Variants in NEK11 observed in about 807,000 individuals in gnomAD.
NEK11 encodes the protein NIMA related kinase 11.
In NEK11, 72 loss-of-function variants were observed where a neutral mutation model predicts 80.7. The ratio of observed to expected loss-of-function variants is 0.89; its 90% CI spans 0.74 to 1.08. The LOEUF is 1.08. Among genes scored for constraint, NEK11 ranks in the 50% least tolerant of loss-of-function variants. NEK11 has a pLI of 0.00. For synonymous variants in NEK11, 251 were observed against 260.7 expected (o/e 0.96, Z 0.36); for missense variants, 764 against 763.6 (o/e 1.00, Z -0.01).
intron 4 of NEK11, among the ~76,000 whole-genome samples, chr3:131,096,315 T>C (rs760245156): frequency 1.1e-4 from 16 of 152,168 alleles, no homozygotes; most frequent in Non-Finnish European, 1.6e-4. Flanking sequence ...CTTAGGATTA[T>C]GGCCTCCAGC....
At chr3:131,115,193 C>T (rs1453674233) in intron 5 of NEK11, among the ~76,000 whole-genome samples, 1 of 152,150 alleles carries the variant, frequency 6.6e-6, no homozygotes, top group Non-Finnish European at 1.5e-5. Flanking sequence ...CTTGTTCCTG[C>T]CTCACTACTT....
intron 4 of NEK11, among the ~76,000 whole-genome samples, chr3:131,087,753 G>C (rs138873534): frequency 6.6e-6 from 1 of 152,136 alleles, no homozygotes; most frequent in Non-Finnish European, 1.5e-5. Flanking sequence ...TGGCAATGAC[G>C]TGCAGCCACC....
intron 4 of NEK11, among the ~76,000 whole-genome samples, chr3:131,105,324 C>T (rs764913079): frequency 1.3e-5 from 2 of 152,104 alleles, no homozygotes; most frequent in Non-Finnish European, 2.9e-5. Context: ...TCTAATTTCC[C>T]TTCATAGTGT....
At chr3:131,331,929 C>T (rs928970905) in intron 17 of NEK11, among the ~76,000 whole-genome samples, 2 of 152,226 alleles carry the variant, frequency 1.3e-5, no homozygotes, top group South Asian at 2.1e-4. Flanking sequence ...CCTGCCATTG[C>T]CCAGGCTTGC....
chr3:131,228,451 T>C, intron 14 of NEK11, 77 bp from the exon 15 acceptor site: 1 of 1,284,482 alleles, frequency 7.8e-7, no homozygotes, highest in Non-Finnish European at 1.1e-6. Context: ...TATACATCCC[T>C]GTGAAAAGAT....
intron 4 of NEK11, among the ~76,000 whole-genome samples, chr3:131,107,142 G>A (rs1179459203): frequency 6.6e-6 from 1 of 151,960 alleles, no homozygotes. Context: ...TCTCTAATGT[G>A]CCTCACAAGT....
intron 14 of NEK11, among the ~76,000 whole-genome samples, chr3:131,190,806 G>C (rs921595334): frequency 6.6e-6 from 1 of 152,026 alleles, no homozygotes; most frequent in African/African-American, 2.4e-5. Context: ...AAGATCTCTA[G>C]AAATTATGAT....
chr3:131,118,316 G>A (rs929679184), intron 5 of NEK11, among the ~76,000 whole-genome samples: 1 of 152,150 alleles, frequency 6.6e-6, no homozygotes, highest in Non-Finnish European at 1.5e-5. Flanking sequence ...GCATCCCAGG[G>A]ATGAAGCCAA....
intron 16 of NEK11, among the ~76,000 whole-genome samples, chr3:131,266,317 T>A (rs181561942): frequency 6.6e-6 from 1 of 152,346 alleles, no homozygotes; most frequent in East Asian, 1.9e-4. Context: ...CAATTTGAGA[T>A]TTTTCCTGCT....
chr3:131,110,662 G>T (rs574446240), intron 5 of NEK11, among the ~76,000 whole-genome samples: 2 of 152,072 alleles, frequency 1.3e-5, no homozygotes, highest in African/African-American at 4.8e-5. Context: ...GTCTGTGGTC[G>T]CTTTCACCTT....
chr3:131,119,065 G>C (rs149143953), intron 5 of NEK11, among the ~76,000 whole-genome samples: 2,242 of 152,182 alleles, frequency 0.015, 61 homozygotes, highest in African/African-American at 0.051. Context: ...TGATGTTAGG[G>C]TGTCAATTTT....
intron 17 of NEK11, among the ~76,000 whole-genome samples, chr3:131,344,378 C>T (rs961982105): frequency 1.3e-5 from 2 of 152,214 alleles, no homozygotes; most frequent in Non-Finnish European, 2.9e-5. Flanking sequence ...GTTCATATCA[C>T]TATCAGCATT....
chr3:131,149,875 A>G (rs1315709624), intron 7 of NEK11, among the ~76,000 whole-genome samples: 1 of 151,028 alleles, frequency 6.6e-6, no homozygotes, highest in African/African-American at 2.4e-5. Context: ...ATTTCCTTAA[A>G]CTTTCTTTGG....
intron 3 of NEK11, among the ~76,000 whole-genome samples, chr3:131,034,660 T>C (rs1438053270): frequency 6.6e-6 from 1 of 152,214 alleles, no homozygotes; most frequent in Non-Finnish European, 1.5e-5. Flanking sequence ...GTGCTGGGAT[T>C]ACAGGCGTGA....
At chr3:131,059,455 G>T (rs548709472) in intron 3 of NEK11, among the ~76,000 whole-genome samples, 3 of 152,194 alleles carry the variant, frequency 2.0e-5, no homozygotes, top group East Asian at 3.9e-4. Context: ...CTGAACTTTA[G>T]AAATGTAACC....
chr3:131,038,875 A>G (rs1462093622), intron 3 of NEK11, among the ~76,000 whole-genome samples: 1 of 152,198 alleles, frequency 6.6e-6, no homozygotes, highest in Non-Finnish European at 1.5e-5. Context: ...TGAGTAGGGA[A>G]GCTAATGGTT....
At chr3:131,269,539 TC>T in intron 16 of NEK11, among the ~76,000 whole-genome samples, 1 of 152,146 alleles carries the variant, frequency 6.6e-6, no homozygotes, top group East Asian at 1.9e-4. Flanking sequence ...CTGCTTCAGC[TC>T]ACCCTCTGTG....
chr3:131,308,374 C>T (rs1374411822), intron 17 of NEK11, among the ~76,000 whole-genome samples: 1 of 152,206 alleles, frequency 6.6e-6, no homozygotes, highest in African/African-American at 2.4e-5. Context: ...TTGTCTAAAG[C>T]AGCTCAAGGA....
intron 7 of NEK11, among the ~76,000 whole-genome samples, chr3:131,139,353 G>GAAAA (rs71622003): frequency 9.3e-6 from 1 of 107,564 alleles, no homozygotes; most frequent in East Asian, 3.2e-4. Context: ...AGAGAAAAAA[G>GAAAA]AAAAAAAAAA....
Sources: allele counts gnomAD v4.1 joint callset (sites outside exome capture counted in the v4.1 genomes callset), GRCh38; gene constraint gnomAD v4.1.1; transcripts MANE v1.5; gene names NCBI Gene and HGNC (gene_info 2026-07-23, HGNC 2026-07-21).